DLX3: variants seen among roughly 807,000 people sequenced by gnomAD.
DLX3 encodes distal-less homeobox 3.
A neutral mutation model predicts 28.0 loss-of-function variants in DLX3; 9 were observed. The observed-to-expected ratio is 0.32, with a 90% confidence interval of 0.19 to 0.56. DLX3 has a LOEUF of 0.56. Ranked by LOEUF, DLX3 falls within the 20% of genes least tolerant of loss-of-function variation. The pLI, the probability that DLX3 is intolerant of heterozygous loss-of-function variation, is 0.91. For missense variants in DLX3, 313 were observed against 378.2 expected (o/e 0.83, Z 1.43); for synonymous variants, 154 against 167.9 (o/e 0.92, Z 0.64).
Position 49,991,641 on chromosome 17 carries a change from G to A in DLX3, c.740C>T (p.Pro247Leu), listed in dbSNP as rs958060656. Reference protein sequence around the residue: ...YSASPSYLDDPTNSWYHAQNL... With the variant: ...YSASPSYLDDLTNSWYHAQNL... ...CTGTGCGTGATACCAGGAGTTGGTG[G>A]GGTCGTCCAGGTAGCTGGGGGAGGC... The change falls in exon 3 of 3, where the codon CCC becomes CTC. Residue 247 changes from proline to leucine, a missense_variant. Physicochemically the swap from Pro to Leu is moderately conservative, Grantham distance 98. Coordinates refer to ENST00000434704, the MANE Select transcript of DLX3 (RefSeq NM_005220.3). 3.7e-6 allele frequency: 6 copies of A among 1,613,760 alleles called. No homozygotes were observed. The highest frequency in any genetic ancestry group is 1.1e-5 in the South Asian group (1 of 91,078).
intron 1 of DLX3, 186 bp from the exon 2 acceptor site, chr17:49,993,776 G>A: frequency 2.2e-6 from 1 of 450,358 alleles, no homozygotes; most frequent in Non-Finnish European, 3.6e-6. Flanking sequence ...AACTGGCCGC[G>A]GCCCACAACG....
intron 1 of DLX3, 85 bp downstream of exon 1, chr17:49,994,589 A>T: frequency 6.8e-7 from 1 of 1,480,720 alleles, no homozygotes; most frequent in Non-Finnish European, 9.3e-7. Flanking sequence ...AAGTTTTCCT[A>T]GATTTTGGCT....
At chr17:49,992,330 T>C (rs1335031162) in intron 2 of DLX3, among the ~76,000 whole-genome samples, 2 of 152,068 alleles carry the variant, frequency 1.3e-5, no homozygotes, top group East Asian at 1.9e-4. Flanking sequence ...GGTGCACAGA[T>C]ACACAGAGAC....
Position 49,991,117 on chromosome 17 carries a change from A to C in DLX3, c.*400T>G. Reference sequence around the variant, plus strand: ...TAAGATCCACGGTGCCAGGTGCCCCAGCACAGGCAGGACCCGCAAACCCTC... The same window carrying C: ...TAAGATCCACGGTGCCAGGTGCCCCCGCACAGGCAGGACCCGCAAACCCTC... On this transcript the variant is annotated 3_prime_UTR_variant, in exon 3 of 3. Transcript: ENST00000434704. The C allele has an allele frequency of 5.4e-6, 1 of 184,230 alleles. No homozygotes were observed. Among genetic ancestry groups the C allele is most frequent in the South Asian group, 1.3e-4 (1 of 7,458 alleles). 11.4% of individuals were successfully genotyped at this position (184,230 alleles called of 1,614,324 possible). A position where few individuals can be genotyped will look rare whatever the true frequency, so the allele number is the denominator to read the frequency against.
Position 49,995,125 on chromosome 17 carries a change from G to A in DLX3, c.-127C>T, listed in dbSNP as rs1906233079. 2.4e-6 allele frequency: 3 copies of A among 1,236,076 alleles called. No homozygotes were observed. Among genetic ancestry groups the A allele is most frequent in the South Asian group, 2.6e-5 (2 of 77,370 alleles). The allele number at this position is 1,236,076 out of a possible 1,614,324, so 76.6% of individuals were successfully genotyped here. ...GAAGGCGAAGGGAGGACCCGGCCGC[G>A]TCTGGGGGGAGGGGGAGGCCGAGAG... On this transcript the variant is annotated 5_prime_UTR_variant, in exon 1 of 3. In the 5' UTR this introduces an upstream ATG that the reference lacks. Transcript: ENST00000434704.
rs772347800 is a variant in DLX3 at position 49,991,232 on chromosome 17, AG to A, written c.*284del. On this transcript the variant is annotated 3_prime_UTR_variant, in exon 3 of 3. Coordinates refer to ENST00000434704, the MANE Select transcript of DLX3 (RefSeq NM_005220.3). ...ATGATGAGCCATTTAAAGCCAATCC[AG>A]GCTCCTGGAGCAGGTAGGGGAATGG... is the stretch of plus-strand genomic sequence containing the variant. The A allele has an allele frequency of 1.3e-4, 57 of 432,016 alleles. No homozygotes were observed. The highest frequency in any genetic ancestry group is 2.2e-4 in the Non-Finnish European group (53 of 244,112). 26.8% of individuals were successfully genotyped at this position (432,016 alleles called of 1,614,324 possible). A position where few individuals can be genotyped will look rare whatever the true frequency, so the allele number is the denominator to read the frequency against.
At chr17:49,993,122 G>A (rs1906150347) in intron 2 of DLX3, among the ~76,000 whole-genome samples, 1 of 152,216 alleles carries the variant, frequency 6.6e-6, no homozygotes, top group Non-Finnish European at 1.5e-5. Context: ...AAAACACGAT[G>A]TGGACTCCTA....
At chr17:49,991,934 G>T in intron 2 of DLX3, 70 bp from the exon 3 acceptor site, 2 of 1,500,238 alleles carry the variant, frequency 1.3e-6, no homozygotes, top group Non-Finnish European at 1.8e-6. Flanking sequence ...GAAGAACCTA[G>T]CCAAGAAAAA....
chr17:49,991,975 T>A lies in DLX3; in HGVS notation c.517-111A>T. ...GCCAGAACCCAATTTCACATAAGAA[T>A]CAGGCAAAAAACAGGCCTCCTGACT... On this transcript the variant is annotated intron_variant, in intron 2 of 2. Coordinates refer to ENST00000434704, the MANE Select transcript of DLX3 (RefSeq NM_005220.3). The A allele has an allele frequency of 1.9e-5, 21 of 1,126,498 alleles. No individual in the cohort carries two copies. In the Admixed American group the frequency reaches 2.1e-4, roughly 11 times the overall value. 69.8% of individuals were successfully genotyped at this position (1,126,498 alleles called of 1,614,324 possible). A position where few individuals can be genotyped will look rare whatever the true frequency, so the allele number is the denominator to read the frequency against.
chr17:49,991,920 C>A lies in DLX3; in HGVS notation c.517-56G>T, dbSNP rs75107289. 17,686 of 1,555,196 alleles carry A rather than the reference C, an allele frequency of 0.011. 374 individuals are homozygous for A. Among genetic ancestry groups the A allele is most frequent in the South Asian group, 0.062 (5,557 of 89,372 alleles). ...AGCCTCTCAGAATGCTAAAACAACCCTGGGAAGAACCTAGCCAAGAAAAAG... is the reference window on the plus strand; with the variant it reads ...AGCCTCTCAGAATGCTAAAACAACCATGGGAAGAACCTAGCCAAGAAAAAG... On this transcript the variant is annotated intron_variant, in intron 2 of 2. Coordinates refer to ENST00000434704, the MANE Select transcript of DLX3 (RefSeq NM_005220.3).
At chr17:49,992,820 G>T (rs371326333) in intron 2 of DLX3, among the ~76,000 whole-genome samples, 4 of 152,160 alleles carry the variant, frequency 2.6e-5, no homozygotes, top group Non-Finnish European at 5.9e-5. Context: ...TCACTTTTGA[G>T]TCCCCATCTC....
intron 1 of DLX3, 194 bp from the exon 2 acceptor site, chr17:49,993,784 A>C: frequency 9.2e-5 from 37 of 401,148 alleles, no homozygotes; most frequent in Non-Finnish European, 1.3e-4. Flanking sequence ...GCGGCCCACA[A>C]CGCGGCGCTC....
Position 49,994,687 on chromosome 17 carries a change from T to C in DLX3, c.312A>G (p.Pro104=). ...CGTGGCCCTCACCTGGGTCCTGGGC[T>C]GGCAGCGGCTGCTCCCGATACGCCC... ...QYGAYREQPL[P]AQDPVSVKEE... Residue 104 remains proline (P), a synonymous_variant, in exon 1 of 3, where the codon CCA becomes CCG. Coordinates refer to ENST00000434704, the MANE Select transcript of DLX3 (RefSeq NM_005220.3). 6.2e-7 allele frequency: 1 copy of C among 1,613,868 alleles called. No individual in the cohort carries two copies. The highest frequency in any genetic ancestry group is 8.5e-7 in the Non-Finnish European group (1 of 1,180,004).
At position 49,991,425 on chromosome 17, in the gene DLX3, T is replaced by G. The variant is rs1906082431; in HGVS notation, c.*92A>C. ...AGGGGGAAAGGGAGTTCCTTTTCCC[T>G]GTGCTCCTCGATGATTCCTGAGTGG... On this transcript the variant is annotated 3_prime_UTR_variant, in exon 3 of 3. Coordinates refer to ENST00000434704, the MANE Select transcript of DLX3 (RefSeq NM_005220.3). The G allele has an allele frequency of 8.6e-7, 1 of 1,162,698 alleles. No individual in the cohort carries two copies. The highest frequency in any genetic ancestry group is 2.0e-4 in the Middle Eastern group (1 of 5,020). The allele number at this position is 1,162,698 out of a possible 1,614,324, so 72.0% of individuals were successfully genotyped here. A position where few individuals can be genotyped will look rare whatever the true frequency, so the allele number is the denominator to read the frequency against.
rs892643725 is a variant in DLX3, at chr17:49,995,128, T to G, written c.-130A>C. 2.9e-5 allele frequency: 35 copies of G among 1,208,888 alleles called. No individual in the cohort carries two copies. The highest frequency in any genetic ancestry group is 3.5e-5 in the Non-Finnish European group (30 of 852,184). 74.9% of individuals were successfully genotyped at this position (1,208,888 alleles called of 1,614,324 possible). A position where few individuals can be genotyped will look rare whatever the true frequency, so the allele number is the denominator to read the frequency against. ...GGCGAAGGGAGGACCCGGCCGCGTC[T>G]GGGGGGAGGGGGAGGCCGAGAGGCG... On this transcript the variant is annotated 5_prime_UTR_variant, in exon 1 of 3. Coordinates refer to ENST00000434704, the MANE Select transcript of DLX3 (RefSeq NM_005220.3).
In DLX3 at chr17:49,993,591, C is replaced by T; in HGVS notation, c.326-1G>A. On this transcript the variant is annotated splice_acceptor_variant, in intron 1 of 2. Coordinates refer to ENST00000434704, the MANE Select transcript of DLX3 (RefSeq NM_005220.3). LOFTEE classifies it high-confidence loss of function. ...GCTTCCGGCTCCTCCTTCACCGACACTGCGGGGAACGCACCGGGCGGAAGA... is the reference window on the plus strand; with the variant it reads ...GCTTCCGGCTCCTCCTTCACCGACATTGCGGGGAACGCACCGGGCGGAAGA... The T allele has an allele frequency of 6.2e-7, 1 of 1,613,178 alleles. No individual in the cohort carries two copies. Among genetic ancestry groups the T allele is most frequent in the Non-Finnish European group, 8.5e-7 (1 of 1,179,574 alleles).
At position 49,990,917 on chromosome 17, in the gene DLX3, G is replaced by A. The variant is rs907200199; in HGVS notation, c.*600C>T. On this transcript the variant is annotated 3_prime_UTR_variant, in exon 3 of 3. Transcript: ENST00000434704. ...ATTAAAAGATTCCCTCACTTAGGGGGTTTTCTTTGGTTTCACCCTCAAATC... is the reference window on the plus strand; with the variant it reads ...ATTAAAAGATTCCCTCACTTAGGGGATTTTCTTTGGTTTCACCCTCAAATC... 1 of 152,958 alleles carries A rather than the reference G, an allele frequency of 6.5e-6. No homozygotes were observed. Among genetic ancestry groups the A allele is most frequent in the Non-Finnish European group, 1.5e-5 (1 of 68,298 alleles). 9.5% of individuals were successfully genotyped at this position (152,958 alleles called of 1,614,324 possible).
chr17:49,994,303 A>C (rs1170090392), intron 1 of DLX3, among the ~76,000 whole-genome samples: 7 of 151,322 alleles, frequency 4.6e-5, no homozygotes, highest in Admixed American at 3.9e-4. Context: ...GAGGGCCCCT[A>C]GAGTTTCCAG....
rs916406019 is a variant in DLX3, at chr17:49,990,848, G to GGAGAGAGAT, written c.*660_*668dup. 42 of 152,674 alleles carry GGAGAGAGAT rather than the reference G, an allele frequency of 2.8e-4. No individual in the cohort carries two copies. Among genetic ancestry groups the GGAGAGAGAT allele is most frequent in the African/African-American group, 1.0e-3 (42 of 41,446 alleles). The allele number at this position is 152,674 out of a possible 1,614,324, so 9.5% of individuals were successfully genotyped here. ...CCCTCCTCTCGGAACGGAGGAGAGG[G>GGAGAGAGAT]GAGAGAGATGGCTCCTTTAGTTCTT... On this transcript the variant is annotated 3_prime_UTR_variant, in exon 3 of 3. Coordinates refer to ENST00000434704, the MANE Select transcript of DLX3 (RefSeq NM_005220.3).
Sources: allele counts gnomAD v4.1 joint callset (sites outside exome capture counted in the v4.1 genomes callset), GRCh38; gene constraint gnomAD v4.1.1; transcripts MANE v1.5; gene names NCBI Gene and HGNC (gene_info 2026-07-23, HGNC 2026-07-21).